The following CARMIL3 variants were observed in gnomAD, a reference collection of about 807,000 sequenced individuals.
The protein encoded by CARMIL3 is capping protein, Arp2/3 and myosin-I linker protein 3.
CARMIL3 carries 88 observed loss-of-function variants against 180.8 expected under a neutral mutation model. The ratio of observed to expected loss-of-function variants is 0.49; its 90% confidence interval spans 0.41 to 0.58. The LOEUF is 0.58. CARMIL3 is among the 20% of genes least tolerant of loss of function. The pLI is 0.00. For synonymous variants in CARMIL3, 696 were observed against 714.5 expected (o/e 0.97, Z 0.41); for missense variants, 1,548 against 1,787.0 (o/e 0.87, Z 2.41).
In CARMIL3 at chr14:24,060,967, A is replaced by G. The variant is rs1287481494; in HGVS notation, c.2231A>G (p.Asn744Ser). 2 of 1,551,706 alleles carry G rather than the reference A, an allele frequency of 1.3e-6. No individual in the cohort carries two copies. Among genetic ancestry groups the G allele is most frequent in the Non-Finnish European group, 8.7e-7 (1 of 1,146,984 alleles). ...TATGAGCTGGGCCACGTGCTGGCCA[A>G]TGATGGGCCTGTGCGGCAGAGGCTG... The part of the protein sequence containing the change: ...SLYELGHVLA[N>S]DGPVRQRLES... Residue 744 changes from asparagine to serine, a missense_variant, in exon 26 of 40, where the codon AAT (asparagine) becomes AGT (serine). Transcript: ENST00000342740.
In CARMIL3 at chr14:24,055,635, G is replaced by A. The variant is rs763979102; in HGVS notation, c.681+17G>A. On this transcript the variant is annotated intron_variant, in intron 9 of 39. Coordinates refer to ENST00000342740, the MANE Select transcript of CARMIL3 (RefSeq NM_138360.4). ...TTGCGGCTGGTAGGAACTGGGAGGG[G>A]CTGGTGAGGTGGGAGAAGTAGTGCC... The A allele has an allele frequency of 1.9e-6, 3 of 1,614,038 alleles. No individual in the cohort carries two copies. Among genetic ancestry groups the A allele is most frequent in the African/African-American group, 2.7e-5 (2 of 74,910 alleles).
chr14:24,065,158 G>A lies in CARMIL3; in HGVS notation c.3281G>A (p.Ser1094Asn). 8.2e-7 allele frequency: 1 copy of A among 1,225,834 alleles called. No homozygotes were observed. 75.9% of individuals were successfully genotyped at this position (1,225,834 alleles called of 1,614,324 possible). A position where few individuals can be genotyped will look rare whatever the true frequency, so the allele number is the denominator to read the frequency against. The change falls in exon 33 of 40, where the codon AGC becomes AAC. Residue 1094 changes from serine (S) to asparagine (N), a missense_variant. Physicochemically the swap from Ser to Asn is conservative, Grantham distance 46. This residue lies in a region of CARMIL3 where 668 missense variants were observed against 687.8 expected (regional missense o/e 0.97). Coordinates refer to ENST00000342740, the MANE Select transcript of CARMIL3 (RefSeq NM_138360.4). ...CCCCCGACTCAGGAGAGCCCCCCTA[G>A]CCCAGACCCCCCAAGCCTCGGCAAT... ...PPPPTQESPP[S>N]PDPPSLGNNS...
At chr14:24,055,669 C>G (rs765956028) in intron 9 of CARMIL3, 32 bp from the exon 10 acceptor site, 3 of 1,613,526 alleles carry the variant, frequency 1.9e-6, no homozygotes, top group South Asian at 2.2e-5. Context: ...CCCCCCTTGG[C>G]CCCTGATCAC....
chr14:24,065,229 C>T lies in CARMIL3; in HGVS notation c.3352C>T (p.Pro1118Ser). The change falls in exon 33 of 40, where the codon CCT becomes TCT. Residue 1118 changes from proline (P) to serine (S), a missense_variant. Physicochemically the swap from Pro to Ser is moderately conservative, Grantham distance 74 (BLOSUM62 -1). This residue lies in a region of CARMIL3 where 668 missense variants were observed against 687.8 expected (regional missense o/e 0.97). Transcript: ENST00000342740. ...CCCAGAGGAGGAGAGCAGCCTCCTC[C>T]CTGGATTTGGTGGGGGCCGGGGACC... ...WSPEEESSLL[P>S]GFGGGRGPSF... The T allele has an allele frequency of 6.4e-7, 1 of 1,553,714 alleles. No homozygotes were observed. Among genetic ancestry groups the T allele is most frequent in the Non-Finnish European group, 8.6e-7 (1 of 1,156,916 alleles).
At chr14:24,056,563 T>G in intron 11 of CARMIL3, 59 bp from the exon 12 acceptor site, 1 of 1,574,286 alleles carries the variant, frequency 6.4e-7, no homozygotes, top group Non-Finnish European at 8.7e-7. Context: ...CCTGACTCTG[T>G]GCCACCTGCA....
rs1423994166 is a variant in CARMIL3, at chr14:24,058,370, C to G, written c.1392+146C>G. 6 of 854,084 alleles carry G rather than the reference C, an allele frequency of 7.0e-6. No individual in the cohort carries two copies. The highest frequency in any genetic ancestry group is 1.7e-5 in the African/African-American group (1 of 58,592). 52.9% of individuals were successfully genotyped at this position (854,084 alleles called of 1,614,324 possible). A position where few individuals can be genotyped will look rare whatever the true frequency, so the allele number is the denominator to read the frequency against. The stretch of plus-strand genomic sequence containing the variant: ...CACACCACCACTTTCCCCTCTCAGT[C>G]TGGCCTCTTTTCCAGAGGCCATTCA... On this transcript the variant is annotated intron_variant, in intron 17 of 39. Transcript: ENST00000342740. This position sits in a 1 kb window ranked among gnomAD's most constrained non-coding sequence, Gnocchi z 6.4.
intron 34 of CARMIL3, 122 bp from the exon 35 acceptor site, chr14:24,066,276 T>C: frequency 8.3e-7 from 1 of 1,203,092 alleles, no homozygotes; most frequent in Admixed American, 2.2e-5. Context: ...GGGAAACAGT[T>C]TTAAGTGTCT....
At chr14:24,056,851 G>C in intron 12 of CARMIL3, 64 bp from the exon 13 acceptor site, 11 of 1,563,796 alleles carry the variant, frequency 7.0e-6, no homozygotes, top group South Asian at 1.1e-5. Flanking sequence ...GAGGGGAAGA[G>C]TTATGTGCTG....
Position 24,061,857 on chromosome 14 carries a change from G to A in CARMIL3, c.2480+185G>A. 1 of 719,684 alleles carries A rather than the reference G, an allele frequency of 1.4e-6. No individual in the cohort carries two copies. Among genetic ancestry groups the A allele is most frequent in the Non-Finnish European group, 2.2e-6 (1 of 455,132 alleles). The allele number at this position is 719,684 out of a possible 1,614,324, so 44.6% of individuals were successfully genotyped here. ...TGGTCTTTGCCCTAGAAATCTAAGT[G>A]CTGAGCTGGGGTTTAGGAGCCAAGT... On this transcript the variant is annotated intron_variant, in intron 27 of 39. Transcript: ENST00000342740. This position sits in a 1 kb window ranked among gnomAD's most constrained non-coding sequence, Gnocchi z 4.1.
chr14:24,053,660 G>A, intron 1 of CARMIL3, 49 bp from the exon 2 acceptor site: 1 of 1,424,596 alleles, frequency 7.0e-7, no homozygotes, highest in Non-Finnish European at 9.7e-7. Flanking sequence ...GGGAGGTGGG[G>A]GTGGCCAGGG....
intron 6 of CARMIL3, 24 bp from the exon 7 acceptor site, chr14:24,055,042 A>T: frequency 6.2e-7 from 1 of 1,611,978 alleles, no homozygotes; most frequent in Non-Finnish European, 8.5e-7. Flanking sequence ...CCCTCATGGA[A>T]TCAGCCTATC....
intron 27 of CARMIL3, 70 bp from the exon 28 acceptor site, chr14:24,062,410 G>C: frequency 7.4e-7 from 1 of 1,360,248 alleles, no homozygotes; most frequent in South Asian, 1.2e-5. Flanking sequence ...TTCTGGGAGA[G>C]GGAGTGCCTC....
chr14:24,067,737 G>C (rs1004520680), intron 36 of CARMIL3, among the ~76,000 whole-genome samples: 12 of 152,262 alleles, frequency 7.9e-5, no homozygotes, highest in Admixed American at 2.0e-4. Context: ...GCAATAGTCA[G>C]TTGCCCCACT....
At chr14:24,057,299 GGGCCTCGGTCTCACCCCCTATCCCT>G in intron 14 of CARMIL3, 55 bp downstream of exon 14, 2 of 1,534,510 alleles carry the variant, frequency 1.3e-6, no homozygotes, top group Non-Finnish European at 1.8e-6. Flanking sequence ...AGACCACAGT[GGGCCTCGGTCTCACCCCCTATCCCT>G]GAGTACACAG....
At chr14:24,066,309 A>T (rs923798015) in intron 34 of CARMIL3, 89 bp from the exon 35 acceptor site, 21 of 1,444,606 alleles carry the variant, frequency 1.5e-5, no homozygotes, top group Non-Finnish European at 1.9e-5. Context: ...CATGAGAATG[A>T]CATGGAGATG....
chr14:24,060,372 C>T, intron 24 of CARMIL3, 117 bp downstream of exon 24: 1 of 1,244,170 alleles, frequency 8.0e-7, no homozygotes, highest in Non-Finnish European at 1.1e-6. Flanking sequence ...TATCACTGGA[C>T]TGAGCATGTG....
At chr14:24,064,919 A>G in intron 32 of CARMIL3, 39 bp from the exon 33 acceptor site, 4 of 1,595,482 alleles carry the variant, frequency 2.5e-6, no homozygotes, top group Non-Finnish European at 3.4e-6. Context: ...TTGAGCTTGC[A>G]TCTGGCATTT....
intron 31 of CARMIL3, among the ~76,000 whole-genome samples, 188 bp downstream of exon 31, chr14:24,063,721 AG>A (rs1382958030): frequency 2.0e-5 from 3 of 152,162 alleles, no homozygotes; most frequent in Admixed American, 6.5e-5. Context: ...CAGATAAGAA[AG>A]CTCTGTCTGC....
In CARMIL3 at chr14:24,058,916, G is replaced by T. The variant is rs746175860; in HGVS notation, c.1501G>T (p.Val501Leu). The T allele has an allele frequency of 6.2e-7, 1 of 1,614,204 alleles. No individual in the cohort carries two copies. Among genetic ancestry groups the T allele is most frequent in the Non-Finnish European group, 8.5e-7 (1 of 1,180,048 alleles). The change falls in exon 19 of 40, where the codon GTG becomes TTG. Residue 501 changes from valine to leucine, a missense_variant. By Grantham distance (32) the Val-to-Leu change is conservative. This residue lies in a region of CARMIL3 where 578 missense variants were observed against 666.5 expected (regional missense o/e 0.87). Transcript: ENST00000342740. This position sits in a 1 kb window ranked among gnomAD's most constrained non-coding sequence, Gnocchi z 6.4. ...GTTCGACTCGGACCTCCTGACACTGGTGCCTGCACTTGGCAAGAACAAGTC... is the reference window on the plus strand; with the variant it reads ...GTTCGACTCGGACCTCCTGACACTGTTGCCTGCACTTGGCAAGAACAAGTC... ...NGFDSDLLTL[V>L]PALGKNKSLK...
Sources: gnomAD v4.1 joint callset for allele counts (sites outside exome capture counted in the v4.1 genomes callset) on GRCh38, gnomAD v4.1.1 for gene constraint, gnomAD v4.1.1 regional missense constraint, Gnocchi (gnomAD v3.1) non-coding constraint, MANE v1.5 for transcripts, NCBI Gene and HGNC (gene_info 2026-07-23, HGNC 2026-07-21) for gene names.